PPP2R5C: variants seen among roughly 807,000 people sequenced by gnomAD.
PPP2R5C encodes the protein protein phosphatase 2 regulatory subunit B'gamma, also known as serine/threonine-protein phosphatase 2A 56 kDa regulatory subunit gamma isoform.
Under a neutral mutation model 68.9 loss-of-function variants are expected in PPP2R5C, and 7 were observed. The observed-to-expected ratio is 0.10, with a 90% CI of 0.06 to 0.19. The LOEUF (loss-of-function observed/expected upper bound fraction) is 0.19. Among genes scored for constraint, PPP2R5C ranks in the 10% least tolerant of loss-of-function variants. The pLI is 1.00. For missense variants in PPP2R5C, 348 were observed against 641.3 expected (o/e 0.54, Z 4.94); for synonymous variants, 210 against 222.2 (o/e 0.95, Z 0.49).
At chr14:101,870,600 T>C (rs2043341790) in intron 2 of PPP2R5C, among the ~76,000 whole-genome samples, 1 of 152,258 alleles carries the variant, frequency 6.6e-6, no homozygotes, top group African/African-American at 2.4e-5. Flanking sequence ...ATAACCTCTT[T>C]CTTCTTTTTG....
intron 9 of PPP2R5C, among the ~76,000 whole-genome samples, chr14:101,902,151 G>A (rs2045723243): frequency 6.6e-6 from 1 of 152,108 alleles, no homozygotes; most frequent in Admixed American, 6.6e-5. Flanking sequence ...TTATCTTCAT[G>A]TTCAGTGTGC....
chr14:101,910,399 CTA>C (rs745566751), intron 11 of PPP2R5C, among the ~76,000 whole-genome samples: 7 of 134,608 alleles, frequency 5.2e-5, no homozygotes, highest in African/African-American at 1.4e-4. Flanking sequence ...ATGTGTGTAT[CTA>C]TGTGTGTGTG....
chr14:101,830,964 T>G (rs1313557227), intron 1 of PPP2R5C, among the ~76,000 whole-genome samples: 1 of 152,200 alleles, frequency 6.6e-6, no homozygotes, highest in Non-Finnish European at 1.5e-5. Flanking sequence ...GGAGCTTTAT[T>G]GTAAGTTTCT....
At chr14:101,824,495 C>T (rs187640824) in intron 1 of PPP2R5C, 6 of 175,504 alleles carry the variant, frequency 3.4e-5, no homozygotes, top group Admixed American at 3.4e-4. Context: ...GCTTTTGATT[C>T]AGCATATGTG....
intron 1 of PPP2R5C, among the ~76,000 whole-genome samples, chr14:101,854,599 G>A (rs1025759972): frequency 7.2e-5 from 11 of 152,098 alleles, no homozygotes; most frequent in African/African-American, 2.7e-4. Context: ...GAAATGCTCG[G>A]CACCAGAGGA....
At chr14:101,892,398 G>A (rs4900519) in intron 6 of PPP2R5C, among the ~76,000 whole-genome samples, 5,390 of 139,552 alleles carry the variant, frequency 0.039, 234 homozygotes, top group East Asian at 0.12. Context: ...GGGGGGTGGG[G>A]GGGGTCCCAC....
At chr14:101,832,919 G>A (rs558976185) in intron 1 of PPP2R5C, among the ~76,000 whole-genome samples, 1 of 152,206 alleles carries the variant, frequency 6.6e-6, no homozygotes, top group Non-Finnish European at 1.5e-5. Context: ...CTGTTGAGTG[G>A]CTGTTCTTCA....
upstream of PPP2R5C, among the ~76,000 whole-genome samples, chr14:101,807,499 G>C (rs1024061521): frequency 1.3e-5 from 2 of 152,150 alleles, no homozygotes; most frequent in Non-Finnish European, 2.9e-5. Context: ...AAAAATAGAG[G>C]CCCACCTGAA....
chr14:101,905,031 A>G (rs940161855), intron 9 of PPP2R5C, among the ~76,000 whole-genome samples: 5 of 152,242 alleles, frequency 3.3e-5, no homozygotes, highest in Admixed American at 3.3e-4. Context: ...TTAGTCTTGC[A>G]GCTTTGTCTG....
intron 1 of PPP2R5C, chr14:101,831,852 T>G (rs1201599010): frequency 1.5e-6 from 1 of 669,024 alleles, no homozygotes; most frequent in East Asian, 2.7e-5. Context: ...ACCACTGTAG[T>G]CTGTTACTTA....
chr14:101,873,786 T>C (rs1342401744), intron 2 of PPP2R5C, among the ~76,000 whole-genome samples: 2 of 152,234 alleles, frequency 1.3e-5, no homozygotes, highest in Non-Finnish European at 2.9e-5. Context: ...GGGTCCCACC[T>C]GGGTTCTTTC....
intron 13 of PPP2R5C, among the ~76,000 whole-genome samples, chr14:101,923,548 C>T (rs1229885699): frequency 6.6e-6 from 1 of 152,118 alleles, no homozygotes; most frequent in Non-Finnish European, 1.5e-5. Flanking sequence ...TTACAAGTAC[C>T]GTGATGGGTG....
chr14:101,859,244 C>T (rs577205217), intron 2 of PPP2R5C, among the ~76,000 whole-genome samples: 69 of 152,290 alleles, frequency 4.5e-4, no homozygotes, highest in South Asian at 1.5e-3. Context: ...ATAAGCCAAC[C>T]AATAATTTTC....
intron 2 of PPP2R5C, among the ~76,000 whole-genome samples, chr14:101,873,077 G>A (rs2043525733): frequency 6.6e-6 from 1 of 151,898 alleles, no homozygotes; most frequent in Non-Finnish European, 1.5e-5. Context: ...ATTTACTTAA[G>A]CAATTAGAGA....
At chr14:101,803,414 C>G (rs1328771810) in intron 3 of PPP2R5C, 1 of 152,070 alleles carries the variant, frequency 6.6e-6, no homozygotes. Flanking sequence ...AAAATCAAAT[C>G]AAAGTGGATT....
intron 2 of PPP2R5C, among the ~76,000 whole-genome samples, chr14:101,857,130 C>T (rs1185742149): frequency 6.6e-6 from 1 of 152,220 alleles, no homozygotes; most frequent in Non-Finnish European, 1.5e-5. Flanking sequence ...ATTTAATCCT[C>T]ACAACTACCC....
chr14:101,837,702 C>T (rs1229247912), intron 1 of PPP2R5C, among the ~76,000 whole-genome samples: 2 of 152,124 alleles, frequency 1.3e-5, no homozygotes, highest in Non-Finnish European at 2.9e-5. Flanking sequence ...CTCTAGAACA[C>T]GAGCACTAAG....
intron 1 of PPP2R5C, chr14:101,819,092 G>T (rs1230274380): frequency 2.0e-6 from 3 of 1,535,540 alleles, no homozygotes; most frequent in Non-Finnish European, 2.6e-6. Flanking sequence ...AGAGGTGGGT[G>T]GTGAGGGTGT....
At chr14:101,886,047 C>G (rs1032354002) in intron 5 of PPP2R5C, among the ~76,000 whole-genome samples, 3 of 151,374 alleles carry the variant, frequency 2.0e-5, no homozygotes, top group African/African-American at 7.3e-5. Flanking sequence ...TTTGGGAGGC[C>G]GAGGCGGGCA....
Sources: allele counts gnomAD v4.1 joint callset (sites outside exome capture counted in the v4.1 genomes callset), GRCh38; gene constraint gnomAD v4.1.1; transcripts MANE v1.5; gene names NCBI Gene and HGNC (gene_info 2026-07-23, HGNC 2026-07-21).